The following PHACTR4 variants were observed in gnomAD, a reference collection of about 807,000 sequenced individuals.
The protein encoded by PHACTR4 is phosphatase and actin regulator 4, also known as protein phosphatase 1, regulatory subunit 124.
PHACTR4 carries 51 observed loss-of-function variants against 72.7 expected under a neutral mutation model. The observed-to-expected ratio is 0.70, with a 90% CI of 0.56 to 0.89. The LOEUF (loss-of-function observed/expected upper bound fraction) is 0.89, where lower values mean the gene tolerates loss of function less well. Among genes scored for constraint, PHACTR4 ranks in the 40% least tolerant of loss-of-function variants. The pLI, the probability that PHACTR4 is intolerant of heterozygous loss-of-function variation, is 0.00. For synonymous variants in PHACTR4, 255 were observed against 302.5 expected, an observed-to-expected ratio of 0.84 and a Z score of 1.63; for missense variants, 731 against 861.8, an observed-to-expected ratio of 0.85 and a Z score of 1.90.
intron 1 of PHACTR4, among the ~76,000 whole-genome samples, chr1:28,395,865 G>T (rs112726488): frequency 2.3e-3 from 192 of 82,374 alleles, no homozygotes; most frequent in Middle Eastern, 0.023. Flanking sequence ...GTTTCACCGT[G>T]TTAGCCAGGA....
intron 2 of PHACTR4, among the ~76,000 whole-genome samples, chr1:28,447,167 A>G: frequency 6.6e-6 from 1 of 151,624 alleles, no homozygotes; most frequent in East Asian, 2.0e-4. Flanking sequence ...GCGTGCCACC[A>G]AGCCTGGCTA....
intron 1 of PHACTR4, among the ~76,000 whole-genome samples, chr1:28,370,449 C>A (rs1651149787): frequency 6.6e-6 from 1 of 152,144 alleles, no homozygotes; most frequent in South Asian, 2.1e-4. Context: ...CTCTACACCC[C>A]GGCTCCGGGA....
chr1:28,473,763 C>G lies in PHACTR4; in HGVS notation c.1033C>G (p.Pro345Ala). 6.2e-7 allele frequency: 1 copy of G among 1,614,036 alleles called. No individual in the cohort carries two copies. The highest frequency in any genetic ancestry group is 1.6e-4 in the Middle Eastern group (1 of 6,062). ...AATGATCTCACCTCGCTCTCCGTCCCCCCCACTGCCTACTCATATACCTCC... is the reference window on the plus strand; with the variant it reads ...AATGATCTCACCTCGCTCTCCGTCCGCCCCACTGCCTACTCATATACCTCC... ...LPMISPRSPSPPLPTHIPPEP... is the reference protein window; with the variant it reads ...LPMISPRSPSAPLPTHIPPEP... Residue 345 changes from proline to alanine, a missense_variant, in exon 7 of 14, where the codon CCC becomes GCC. Transcript: ENST00000373839.
chr1:28,422,441 T>C (rs1375138414), intron 2 of PHACTR4: 1 of 152,244 alleles, frequency 6.6e-6, no homozygotes, highest in East Asian at 1.9e-4. Context: ...TGCCACTTTA[T>C]ATAAGGGACT....
At chr1:28,383,256 T>G (rs1652324485) in intron 1 of PHACTR4, among the ~76,000 whole-genome samples, 1 of 152,184 alleles carries the variant, frequency 6.6e-6, no homozygotes, top group African/African-American at 2.4e-5. Flanking sequence ...TATTGGTTAC[T>G]GTAGCCCTGT....
In PHACTR4 at chr1:28,473,827, T is replaced by G. The variant is rs758753606; in HGVS notation, c.1097T>G (p.Phe366Cys). The G allele has an allele frequency of 7.4e-6, 12 of 1,614,018 alleles. No individual in the cohort carries two copies. Among genetic ancestry groups the G allele is most frequent in the Non-Finnish European group, 1.0e-5 (12 of 1,180,004 alleles). ...ACCCCTCCATTCCCTGCTAAGACTT[T>G]TCAAGTTGTGCCAGAAATTGAGTTT... is the stretch of plus-strand genomic sequence containing the variant. ...PRTPPFPAKTFQVVPEIEFPP... is the reference protein window; with the variant it reads ...PRTPPFPAKTCQVVPEIEFPP... Residue 366 changes from phenylalanine to cysteine, a missense_variant, in exon 7 of 14, where the codon TTT (phenylalanine) becomes TGT (cysteine). Phe to Cys is a radical substitution (Grantham distance 205). This residue lies in a region of PHACTR4 where 621 missense variants were observed against 676.6 expected (regional missense o/e 0.92). Coordinates refer to ENST00000373839, the MANE Select transcript of PHACTR4 (RefSeq NM_001048183.3).
intron 6 of PHACTR4, 81 bp from the exon 7 acceptor site, chr1:28,473,473 C>T (rs1659709258): frequency 1.9e-6 from 2 of 1,047,848 alleles, no homozygotes; most frequent in Non-Finnish European, 1.4e-6. Flanking sequence ...AAACTGAACT[C>T]AACTTTAATT....
In PHACTR4 at chr1:28,476,120, G is replaced by A; in HGVS notation, c.1435G>A (p.Glu479Lys). The change falls in exon 8 of 14, where the codon GAA becomes AAA. Residue 479 changes from glutamate to lysine, a missense_variant. Transcript: ENST00000373839. The stretch of plus-strand genomic sequence containing the variant: ...TTAATTTGTTAGTCCAGACGATGAA[G>A]AAGAAGAGGAGCAAACCTGTCCATC... ...IEMLKVPDDE[E>K]EEEQTCPSTF... The A allele has an allele frequency of 1.2e-6, 2 of 1,601,298 alleles. No individual in the cohort carries two copies. The highest frequency in any genetic ancestry group is 1.1e-5 in the South Asian group (1 of 88,492).
intron 1 of PHACTR4, among the ~76,000 whole-genome samples, chr1:28,401,705 A>G (rs1653959621): frequency 6.6e-6 from 1 of 152,006 alleles, no homozygotes; most frequent in Non-Finnish European, 1.5e-5. Context: ...TTCTGGGCTC[A>G]AGCTGTCTTC....
chr1:28,397,960 G>A (rs377455765), intron 1 of PHACTR4, among the ~76,000 whole-genome samples: 4 of 151,732 alleles, frequency 2.6e-5, no homozygotes, highest in East Asian at 1.9e-4. Context: ...TGATCCGCCC[G>A]CCTCGGCCTC....
intron 2 of PHACTR4, among the ~76,000 whole-genome samples, chr1:28,449,267 T>C (rs1182211914): frequency 3.3e-5 from 5 of 152,190 alleles, no homozygotes; most frequent in Non-Finnish European, 7.3e-5. Context: ...GAGGCTGCAC[T>C]GTGCCATGAT....
intron 2 of PHACTR4, among the ~76,000 whole-genome samples, chr1:28,449,437 C>T (rs1165458865): frequency 6.6e-6 from 1 of 152,134 alleles, no homozygotes; most frequent in Non-Finnish European, 1.5e-5. Context: ...CCTGTTTTAT[C>T]TCATATCTCC....
At chr1:28,371,528 C>T (rs369249524) in intron 1 of PHACTR4, among the ~76,000 whole-genome samples, 1 of 152,112 alleles carries the variant, frequency 6.6e-6, no homozygotes, top group Non-Finnish European at 1.5e-5. Flanking sequence ...CTCCTAACCT[C>T]AGGTGATCCA....
At chr1:28,448,032 G>A (rs1343788289) in intron 2 of PHACTR4, among the ~76,000 whole-genome samples, 1 of 152,188 alleles carries the variant, frequency 6.6e-6, no homozygotes, top group African/African-American at 2.4e-5. Context: ...AATAAGTACA[G>A]TAGTGTAAAT....
At chr1:28,477,958 G>A (rs1011670097) in intron 8 of PHACTR4, among the ~76,000 whole-genome samples, 7 of 152,098 alleles carry the variant, frequency 4.6e-5, no homozygotes, top group Non-Finnish European at 8.8e-5. Flanking sequence ...AAAGTGCTGC[G>A]ATTACAGGCA....
chr1:28,386,203 C>T (rs566938010), intron 1 of PHACTR4, among the ~76,000 whole-genome samples: 3 of 152,232 alleles, frequency 2.0e-5, no homozygotes, highest in South Asian at 4.1e-4. Context: ...AAACAATTCT[C>T]CTGCCTCAGC....
intron 8 of PHACTR4, 87 bp downstream of exon 8, chr1:28,476,378 GA>G (rs1238540579): frequency 3.7e-6 from 5 of 1,334,124 alleles, no homozygotes; most frequent in Non-Finnish European, 5.0e-6. Context: ...AAGAGATATG[GA>G]AACAGGTACC....
At chr1:28,426,778 G>T (rs1313329436) in intron 2 of PHACTR4, among the ~76,000 whole-genome samples, 10 of 151,412 alleles carry the variant, frequency 6.6e-5, no homozygotes, top group Non-Finnish European at 1.2e-4. Context: ...AAACTCCTGG[G>T]CTCAAGCAAT....
chr1:28,453,544 C>A, intron 2 of PHACTR4: 1 of 641,864 alleles, frequency 1.6e-6, no homozygotes, highest in East Asian at 2.7e-5. Context: ...GGGGAAATGG[C>A]GGCTTCACGA....
Sources: gnomAD v4.1 joint callset for allele counts (sites outside exome capture counted in the v4.1 genomes callset) on GRCh38, gnomAD v4.1.1 for gene constraint, gnomAD v4.1.1 regional missense constraint, MANE v1.5 for transcripts, NCBI Gene and HGNC (gene_info 2026-07-23, HGNC 2026-07-21) for gene names.